ARMC2: variants seen among roughly 807,000 people sequenced by gnomAD.
ARMC2 encodes the protein armadillo repeat-containing protein 2.
ARMC2 carries 67 observed loss-of-function variants against 90.3 expected under a neutral mutation model. That is an observed-to-expected ratio of 0.74 (90% CI 0.61 to 0.91). The LOEUF (loss-of-function observed/expected upper bound fraction) is 0.91. Among genes scored for constraint, ARMC2 ranks in the 40% least tolerant of loss-of-function variants. ARMC2 has a pLI of 0.00. For missense variants in ARMC2, 920 were observed against 1,030.9 expected (o/e 0.89, Z 1.47); for synonymous variants, 393 against 393.0 (o/e 1.00, Z 0.00).
intron 9 of ARMC2, 52 bp downstream of exon 9, chr6:108,911,053 T>C: frequency 8.7e-7 from 1 of 1,144,784 alleles, no homozygotes; most frequent in Non-Finnish European, 1.2e-6. Context: ...TGAGTAAAAA[T>C]TAGAAGTCTG....
At chr6:109,042,531 GA>G in the ARMC2 span, among the ~76,000 whole-genome samples, 2 of 148,230 alleles carry the variant, frequency 1.3e-5, no homozygotes, top group Admixed American at 6.7e-5. Flanking sequence ...GGATTATTGC[GA>G]AAAAAAAAAA....
the ARMC2 span, among the ~76,000 whole-genome samples, chr6:109,021,604 A>AT: frequency 2.0e-4 from 30 of 151,056 alleles, no homozygotes; most frequent in East Asian, 3.9e-4. Flanking sequence ...AGCCTGGCTA[A>AT]TTTTTTTTTG....
At chr6:108,849,803 A>G (rs12664019) in intron 1 of ARMC2, among the ~76,000 whole-genome samples, 39,561 of 152,244 alleles carry the variant, frequency 0.26, 6,507 homozygotes, top group Non-Finnish European at 0.35. Context: ...CACCTTTTAT[A>G]GATGAGGAAA....
chr6:108,907,643 T>C (rs1210911206), intron 8 of ARMC2: 1 of 1,595,208 alleles, frequency 6.3e-7, no homozygotes, highest in African/African-American at 1.3e-5. Flanking sequence ...GTGCTTGAGA[T>C]GCTTGTAGGA....
intron 8 of ARMC2, among the ~76,000 whole-genome samples, chr6:108,907,212 T>C (rs1257446404): frequency 2.6e-5 from 4 of 152,128 alleles, no homozygotes; most frequent in Non-Finnish European, 5.9e-5. Flanking sequence ...CTTTGCCACT[T>C]TTTACTAAAA....
At chr6:108,970,473 CTTTT>C (rs1249564281) in intron 17 of ARMC2, among the ~76,000 whole-genome samples, 1 of 141,068 alleles carries the variant, frequency 7.1e-6, no homozygotes, top group Admixed American at 7.1e-5. Flanking sequence ...TTCTTTCTTT[CTTTT>C]CTTTTTCTTC....
At chr6:108,933,522 C>G (rs1264708650) in intron 11 of ARMC2, among the ~76,000 whole-genome samples, 4 of 152,078 alleles carry the variant, frequency 2.6e-5, no homozygotes, top group Admixed American at 1.3e-4. Flanking sequence ...GGCCTGTTGT[C>G]TTTCTTCTGA....
chr6:108,936,542 C>A (rs1165095883), intron 11 of ARMC2, among the ~76,000 whole-genome samples: 4 of 152,220 alleles, frequency 2.6e-5, no homozygotes, highest in Non-Finnish European at 4.4e-5. Flanking sequence ...AGGCGTGAGG[C>A]ACCACGCCTG....
Position 108,876,318 on chromosome 6 carries a change from A to G in ARMC2, c.639A>G (p.Thr213=), listed in dbSNP as rs1185659523. Reference sequence around the variant, plus strand: ...AGGAGCAAGAAATGTTCAAAGGAACAACATCTTTACCATCTCATCTCAAGA... The same window carrying G: ...AGGAGCAAGAAATGTTCAAAGGAACGACATCTTTACCATCTCATCTCAAGA... The part of the protein sequence containing the change: ...EIKEQEMFKG[T]TSLPSHLKNG... The change falls in exon 5 of 18, where the codon ACA becomes ACG. Residue 213 remains threonine, a synonymous_variant. Coordinates refer to ENST00000392644, the MANE Select transcript of ARMC2 (RefSeq NM_032131.6). 1.9e-6 allele frequency: 3 copies of G among 1,612,620 alleles called. No homozygotes were observed. The highest frequency in any genetic ancestry group is 2.5e-6 in the Non-Finnish European group (3 of 1,179,546).
At chr6:109,012,684 A>G in the ARMC2 span, among the ~76,000 whole-genome samples, 3 of 152,182 alleles carry the variant, frequency 2.0e-5, no homozygotes, top group Non-Finnish European at 4.4e-5. Flanking sequence ...GAATAGACAC[A>G]GAGTTCTAAG....
At chr6:108,952,266 T>C (rs1208962152) in intron 12 of ARMC2, among the ~76,000 whole-genome samples, 5 of 152,260 alleles carry the variant, frequency 3.3e-5, no homozygotes, top group Non-Finnish European at 5.9e-5. Flanking sequence ...TGTTTAGTTT[T>C]AAAATGTTCC....
At chr6:109,012,693 A>C in the ARMC2 span, among the ~76,000 whole-genome samples, 2 of 152,178 alleles carry the variant, frequency 1.3e-5, no homozygotes, top group Non-Finnish European at 2.9e-5. Context: ...CAGAGTTCTA[A>C]GTAAAAGATC....
chr6:108,993,026 C>T, the ARMC2 span: 1 of 615,738 alleles, frequency 1.6e-6, no homozygotes, highest in Non-Finnish European at 2.9e-6. Context: ...CCAAAGTAGT[C>T]TTACAATTAT....
the ARMC2 span, among the ~76,000 whole-genome samples, chr6:109,039,844 A>T: frequency 6.6e-6 from 1 of 152,210 alleles, no homozygotes; most frequent in Non-Finnish European, 1.5e-5. Context: ...TAAGTTAGTG[A>T]AGTGAATTAT....
the ARMC2 span, among the ~76,000 whole-genome samples, chr6:109,026,159 A>G: frequency 6.6e-6 from 1 of 152,232 alleles, no homozygotes; most frequent in Non-Finnish European, 1.5e-5. Context: ...GAGAGAAAAT[A>G]TCATTGTTGA....
chr6:108,933,359 C>A (rs1775731722), intron 11 of ARMC2, among the ~76,000 whole-genome samples: 1 of 152,052 alleles, frequency 6.6e-6, no homozygotes, highest in Non-Finnish European at 1.5e-5. Flanking sequence ...TCTGATTCGG[C>A]TCTCTGCTTG....
At chr6:108,993,953 T>A in the ARMC2 span, among the ~76,000 whole-genome samples, 13 of 151,526 alleles carry the variant, frequency 8.6e-5, no homozygotes, top group Admixed American at 2.6e-4. Flanking sequence ...GCGTGGGCAA[T>A]ATAGCAAGAC....
the ARMC2 span, among the ~76,000 whole-genome samples, chr6:109,029,922 A>G: frequency 0.1 from 15,222 of 152,202 alleles, 924 homozygotes; most frequent in Middle Eastern, 0.19. Flanking sequence ...AGCTTCTTCA[A>G]GCTCTTAGAA....
intron 17 of ARMC2, among the ~76,000 whole-genome samples, chr6:108,969,915 A>G (rs1229172279): frequency 6.6e-6 from 1 of 152,098 alleles, no homozygotes; most frequent in Non-Finnish European, 1.5e-5. Context: ...TGTGTTTTGT[A>G]GTCTTAGCCA....
Sources: allele counts gnomAD v4.1 joint callset (sites outside exome capture counted in the v4.1 genomes callset), GRCh38; gene constraint gnomAD v4.1.1; transcripts MANE v1.5; gene names NCBI Gene and HGNC (gene_info 2026-07-23, HGNC 2026-07-21).